SLC25A31: variants seen among roughly 807,000 people sequenced by gnomAD.
SLC25A31 encodes the protein ADP/ATP translocase 4.
SLC25A31 carries 40 observed loss-of-function variants against 36.2 expected under a neutral mutation model. The ratio of observed to expected loss-of-function variants is 1.10; its 90% CI spans 0.86 to 1.44. The LOEUF is 1.44. SLC25A31 is among the 40% of genes most tolerant of loss of function. SLC25A31 has a pLI of 0.00. For synonymous variants in SLC25A31, 143 were observed against 149.7 expected, an observed-to-expected ratio of 0.96 and a Z score of 0.32; for missense variants, 350 against 397.1, an observed-to-expected ratio of 0.88 and a Z score of 1.01.
In SLC25A31 at chr4:127,730,634, C is replaced by T; in HGVS notation, c.89C>T (p.Ala30Val). 6 of 1,613,978 alleles carry T rather than the reference C, an allele frequency of 3.7e-6. No homozygotes were observed. The highest frequency in any genetic ancestry group is 5.1e-6 in the Non-Finnish European group (6 of 1,179,948). ...AAGGACCTTCTGGCCGGCGGAGTCG[C>T]GGCAGCTGTGTCCAAGACAGCGGTG... ...FGKDLLAGGV[A>V]AAVSKTAVAP... The change falls in exon 1 of 6, where the codon GCG becomes GTG. Residue 30 changes from alanine (A) to valine (V), a missense_variant. By Grantham distance (64) the Ala-to-Val change is moderately conservative (BLOSUM62 0). Coordinates refer to ENST00000281154, the MANE Select transcript of SLC25A31 (RefSeq NM_031291.4).
At chr4:127,730,910 C>T (rs977036398) in intron 1 of SLC25A31, 133 bp downstream of exon 1, 16 of 885,958 alleles carry the variant, frequency 1.8e-5, no homozygotes, top group African/African-American at 3.4e-5. Context: ...GAATTTGCTT[C>T]TTACCCTTCC....
chr4:127,765,648 A>G (rs1202332922), intron 3 of SLC25A31, among the ~76,000 whole-genome samples: 1 of 152,168 alleles, frequency 6.6e-6, no homozygotes, highest in Non-Finnish European at 1.5e-5. Context: ...TGCCTCATGT[A>G]CCTAAGAGTC....
At chr4:127,749,072 C>G (rs1019773779) in intron 2 of SLC25A31, among the ~76,000 whole-genome samples, 1 of 149,714 alleles carries the variant, frequency 6.7e-6, no homozygotes, top group African/African-American at 2.5e-5. Flanking sequence ...GAAATTGAAA[C>G]CATTAAAAAA....
At chr4:127,749,022 A>C (rs1731873440) in intron 2 of SLC25A31, among the ~76,000 whole-genome samples, 3 of 152,170 alleles carry the variant, frequency 2.0e-5, no homozygotes, top group African/African-American at 7.2e-5. Context: ...GAAAATAGGA[A>C]AACAAAACCA....
intron 2 of SLC25A31, among the ~76,000 whole-genome samples, chr4:127,759,677 G>T (rs1732092780): frequency 6.6e-6 from 1 of 152,188 alleles, no homozygotes; most frequent in South Asian, 2.1e-4. Flanking sequence ...GAGATGGGGA[G>T]TTAGTGTTTA....
intron 2 of SLC25A31, among the ~76,000 whole-genome samples, chr4:127,752,453 G>T (rs572701043): frequency 6.6e-6 from 1 of 152,024 alleles, no homozygotes; most frequent in Admixed American, 6.6e-5. Context: ...AGCATTAGGA[G>T]ATATATCTAA....
chr4:127,753,097 C>T (rs1191680064), intron 2 of SLC25A31, among the ~76,000 whole-genome samples: 1 of 152,096 alleles, frequency 6.6e-6, no homozygotes, highest in Admixed American at 6.6e-5. Flanking sequence ...CAACATGCTT[C>T]TGAACAACCA....
intron 2 of SLC25A31, among the ~76,000 whole-genome samples, chr4:127,747,592 T>G (rs1166826857): frequency 2.0e-5 from 3 of 152,198 alleles, no homozygotes; most frequent in African/African-American, 7.2e-5. Context: ...ATCCCTAGTT[T>G]CCTCTTCTAA....
intron 1 of SLC25A31, among the ~76,000 whole-genome samples, chr4:127,737,493 A>G (rs1731654164): frequency 6.6e-6 from 1 of 152,170 alleles, no homozygotes; most frequent in East Asian, 1.9e-4. Context: ...AGATGTCTTT[A>G]TCATTAAAAC....
At chr4:127,770,736 A>G (rs1269620070) in intron 5 of SLC25A31, among the ~76,000 whole-genome samples, 1 of 152,098 alleles carries the variant, frequency 6.6e-6, no homozygotes, top group Non-Finnish European at 1.5e-5. Flanking sequence ...TATGAGTCTT[A>G]TATGTGTGTG....
chr4:127,737,407 A>G (rs1227120524), intron 1 of SLC25A31, among the ~76,000 whole-genome samples: 1 of 152,194 alleles, frequency 6.6e-6, no homozygotes, highest in Non-Finnish European at 1.5e-5. Context: ...AAAGGAACAC[A>G]TTCTTCAGCC....
chr4:127,771,338 C>T (rs1000683604), intron 5 of SLC25A31, among the ~76,000 whole-genome samples: 1 of 152,030 alleles, frequency 6.6e-6, no homozygotes, highest in Non-Finnish European at 1.5e-5. Context: ...CCTTTAAAGA[C>T]CCTATCTCCA....
chr4:127,749,708 C>CAAAAAAAAAAAAAAAAAAAAAA (rs34540386), intron 2 of SLC25A31, among the ~76,000 whole-genome samples: 1 of 106,160 alleles, frequency 9.4e-6, no homozygotes, highest in African/African-American at 3.6e-5. Flanking sequence ...GACTCCATCT[C>CAAAAAAAAAAAAAAAAAAAAAA]AAAAAAAAAA....
At position 127,730,453 on chromosome 4, in the gene SLC25A31, G is replaced by T. The variant is rs992063609; in HGVS notation, c.-93G>T. The T allele has an allele frequency of 4.5e-5, 60 of 1,332,476 alleles. No homozygotes were observed. The highest frequency in any genetic ancestry group is 6.3e-5 in the Non-Finnish European group (60 of 954,564). The allele number at this position is 1,332,476 out of a possible 1,614,324, so 82.5% of individuals were successfully genotyped here. A position where few individuals can be genotyped will look rare whatever the true frequency, so the allele number is the denominator to read the frequency against. On this transcript the variant is annotated 5_prime_UTR_variant, in exon 1 of 6. An upstream start codon of the reference 5' UTR is lost. Transcript: ENST00000281154. ...AGAGCCACTTTCTCGCCAGTACGAT[G>T]CTGCAGCGGTTTTCCGGTTTTCCGC... is the stretch of plus-strand genomic sequence containing the variant.
rs570106751 is a variant in SLC25A31 at position 127,750,384 on chromosome 4, T to C, written c.360+5585T>C. 3.3e-5 allele frequency among the ~76,000 whole-genome samples: 5 copies of C among 152,324 alleles called. No homozygotes were observed. In the South Asian group the frequency reaches 1.0e-3, roughly 32 times the overall value. On this transcript the variant is annotated intron_variant, in intron 2 of 5. Coordinates refer to ENST00000281154, the MANE Select transcript of SLC25A31 (RefSeq NM_031291.4). The stretch of plus-strand genomic sequence containing the variant: ...TAGTCAAAAATCATAAGTTGAACCA[T>C]TGGAAGTCCAAATACTCCTTGACTC...
At chr4:127,764,542 A>C (rs1732203642) in intron 3 of SLC25A31, among the ~76,000 whole-genome samples, 182 bp downstream of exon 3, 1 of 152,158 alleles carries the variant, frequency 6.6e-6, no homozygotes, top group Non-Finnish European at 1.5e-5. Context: ...TAAAAAAGGG[A>C]AGGAGGGAAA....
At chr4:127,759,210 T>C (rs1271307297) in intron 2 of SLC25A31, among the ~76,000 whole-genome samples, 1 of 150,534 alleles carries the variant, frequency 6.6e-6, no homozygotes, top group Non-Finnish European at 1.5e-5. Flanking sequence ...TGTATTCCTA[T>C]GGTTTTTTTT....
chr4:127,755,732 C>A (rs1447495965), intron 2 of SLC25A31, among the ~76,000 whole-genome samples: 2 of 151,984 alleles, frequency 1.3e-5, no homozygotes, highest in African/African-American at 4.8e-5. Context: ...TATAGAAGTA[C>A]CTTAAAAAAC....
intron 1 of SLC25A31, among the ~76,000 whole-genome samples, chr4:127,736,566 G>C (rs1295260419): frequency 6.6e-6 from 1 of 152,184 alleles, no homozygotes; most frequent in Non-Finnish European, 1.5e-5. Context: ...GGCAATAGAA[G>C]TGCAGTAACT....
Sources: gnomAD v4.1 joint callset for allele counts (sites outside exome capture counted in the v4.1 genomes callset) on GRCh38, gnomAD v4.1.1 for gene constraint, MANE v1.5 for transcripts, NCBI Gene and HGNC (gene_info 2026-07-23, HGNC 2026-07-21) for gene names.